PIP4K2C: variants seen among roughly 807,000 people sequenced by gnomAD.
The protein encoded by PIP4K2C is phosphatidylinositol 5-phosphate 4-kinase type-2 gamma.
A neutral mutation model predicts 45.0 loss-of-function variants in PIP4K2C; 21 were observed. That is an observed-to-expected ratio of 0.47 (90% CI 0.33 to 0.67). The LOEUF (loss-of-function observed/expected upper bound fraction) is 0.67, where lower values mean the gene tolerates loss of function less well. Ranked by LOEUF, PIP4K2C falls within the 30% of genes least tolerant of loss-of-function variation. The pLI is 0.02. For synonymous variants in PIP4K2C, 201 were observed against 204.8 expected (o/e 0.98, Z 0.16); for missense variants, 456 against 542.8 (o/e 0.84, Z 1.59).
intron 1 of PIP4K2C, among the ~76,000 whole-genome samples, chr12:57,592,318 G>A (rs1882999500): frequency 6.6e-6 from 1 of 152,176 alleles, no homozygotes; most frequent in Admixed American, 6.5e-5. Flanking sequence ...CTTCCGTCAG[G>A]TCTGGAGTGG....
rs1179998068 is a variant in PIP4K2C, at chr12:57,591,230, G to C, written c.-60G>C. ...CAGCGCAGGTGAGCGCCGCTTCCGG[G>C]GTCGGGCGCCTGGATAGCTGCCGGC... On this transcript the variant is annotated 5_prime_UTR_variant, in exon 1 of 10. Transcript: ENST00000354947. The C allele has an allele frequency of 6.5e-7, 1 of 1,534,890 alleles. No homozygotes were observed. Among genetic ancestry groups the C allele is most frequent in the Admixed American group, 1.9e-5 (1 of 53,092 alleles).
rs1357957508 is a variant in PIP4K2C at position 57,595,792 on chromosome 12, C to A, written c.370-96C>A. The stretch of plus-strand genomic sequence containing the variant: ...AGGAACTGTGCTGAATCTCCTACCC[C>A]AGGGATTCATCCACTTTCAGCTGAC... On this transcript the variant is annotated intron_variant, in intron 3 of 9. Coordinates refer to ENST00000354947, the MANE Select transcript of PIP4K2C (RefSeq NM_024779.5). 5 of 1,351,198 alleles carry A rather than the reference C, an allele frequency of 3.7e-6. No homozygotes were observed. The African/African-American group carries it at 7.2e-5, about 19-fold the overall frequency. 83.7% of individuals were successfully genotyped at this position (1,351,198 alleles called of 1,614,324 possible). A position where few individuals can be genotyped will look rare whatever the true frequency, so the allele number is the denominator to read the frequency against.
intron 1 of PIP4K2C, 32 bp from the exon 2 acceptor site, chr12:57,593,993 A>G (rs373509964): frequency 4.5e-5 from 71 of 1,576,532 alleles, no homozygotes; most frequent in Non-Finnish European, 5.9e-5. Context: ...ACCCTTCTTC[A>G]TGGCTTCCCT....
chr12:57,600,351 A>G lies in PIP4K2C; in HGVS notation c.727A>G (p.Met243Val), dbSNP rs367712382. The change falls in exon 7 of 10, where the codon ATG (methionine) becomes GTG (valine). Residue 243 changes from methionine to valine, a missense_variant. By Grantham distance (21) the Met-to-Val change is conservative. Coordinates refer to ENST00000354947, the MANE Select transcript of PIP4K2C (RefSeq NM_024779.5). ...TAAAGAATTGCCCACCCTTAAGGAT[A>G]TGGACTTTCTCAACAAGAACCAGAA... is the stretch of plus-strand genomic sequence containing the variant. ...KVKELPTLKDMDFLNKNQKVY... is the reference protein window; with the variant it reads ...KVKELPTLKDVDFLNKNQKVY... The G allele has an allele frequency of 1.9e-6, 3 of 1,608,040 alleles. No individual in the cohort carries two copies. The highest frequency in any genetic ancestry group is 2.6e-6 in the Non-Finnish European group (3 of 1,174,740).
In PIP4K2C at chr12:57,600,955, G is replaced by C; in HGVS notation, c.958G>C (p.Ala320Pro). Residue 320 changes from alanine to proline, a missense_variant, in exon 8 of 10, where the codon GCT becomes CCT. Transcript: ENST00000354947. Reference protein sequence around the residue: ...DGDCSLTGPPALVGSYGTSPE... With the variant: ...DGDCSLTGPPPLVGSYGTSPE... ...GGACTGCAGCCTGACTGGACCTCCTGCTCTGGTGGGCTCCTATGGCACCTC... is the reference window on the plus strand; with the variant it reads ...GGACTGCAGCCTGACTGGACCTCCTCCTCTGGTGGGCTCCTATGGCACCTC... 2 of 1,614,226 alleles carry C rather than the reference G, an allele frequency of 1.2e-6. No individual in the cohort carries two copies. The highest frequency in any genetic ancestry group is 1.7e-6 in the Non-Finnish European group (2 of 1,180,040).
rs199943799 is a variant in PIP4K2C at position 57,595,267 on chromosome 12, A to G, written c.369+45A>G. On this transcript the variant is annotated intron_variant, in intron 3 of 9. Transcript: ENST00000354947. ...TGAGGGTAGCCCTTTCTCCCCAGCA[A>G]CTGAGGAGTACTATTTGGGACAGCC... is the stretch of plus-strand genomic sequence containing the variant. The G allele has an allele frequency of 3.6e-4, 423 of 1,160,700 alleles. 3 individuals are homozygous for G. In the East Asian group the frequency reaches 4.0e-3, roughly 11 times the overall value. 71.9% of individuals were successfully genotyped at this position (1,160,700 alleles called of 1,614,324 possible). A position where few individuals can be genotyped will look rare whatever the true frequency, so the allele number is the denominator to read the frequency against.
At chr12:57,598,960 G>A in intron 4 of PIP4K2C, 105 bp from the exon 5 acceptor site, 1 of 1,249,406 alleles carries the variant, frequency 8.0e-7, no homozygotes, top group Non-Finnish European at 1.1e-6. Context: ...CTCTCTACTT[G>A]AAGTCCTCTG....
In PIP4K2C at chr12:57,601,748, C is replaced by A. The variant is rs759060338; in HGVS notation, c.*142C>A. ...GCTCCTTCCATCCAGATAACTCCAT[C>A]CTGTCGAGTAGGCTCTTTCTGACCC... On this transcript the variant is annotated 3_prime_UTR_variant, in exon 10 of 10. Coordinates refer to ENST00000354947, the MANE Select transcript of PIP4K2C (RefSeq NM_024779.5). 1 of 718,120 alleles carries A rather than the reference C, an allele frequency of 1.4e-6. No homozygotes were observed. Among genetic ancestry groups the A allele is most frequent in the South Asian group, 1.6e-5 (1 of 61,814 alleles). 44.5% of individuals were successfully genotyped at this position (718,120 alleles called of 1,614,324 possible). A position where few individuals can be genotyped will look rare whatever the true frequency, so the allele number is the denominator to read the frequency against.
At position 57,595,978 on chromosome 12, in the gene PIP4K2C, G is replaced by T. The variant is rs200334597; in HGVS notation, c.460G>T (p.Val154Leu). 43 of 1,613,924 alleles carry T rather than the reference G, an allele frequency of 2.7e-5. No individual in the cohort carries two copies. Among genetic ancestry groups the T allele is most frequent in the Admixed American group, 2.2e-4 (13 of 60,000 alleles). Residue 154 changes from valine to leucine, a missense_variant, in exon 4 of 10, where the codon GTA (valine) becomes TTA (leucine). Val to Leu is a conservative substitution (Grantham distance 32). Around this residue, in one of 2 missense-constraint regions of PIP4K2C, gnomAD observed 421 missense variants for 473.1 expected, o/e 0.89. Transcript: ENST00000354947. ...CGATCGGACTCTGGTCATCAAAGAA[G>T]TATCCAGTGAGGACATTGCTGACAT... is the stretch of plus-strand genomic sequence containing the variant. ...SYDRTLVIKE[V>L]SSEDIADMHS... is the part of the protein sequence containing the mutation.
chr12:57,601,871 C>T lies in PIP4K2C; in HGVS notation c.*265C>T, dbSNP rs1055622383. ...TGTAGTATTAGAATGTTATTGTTGA[C>T]TCTCTCCCAAGTGCCTTGATCTTTG... On this transcript the variant is annotated 3_prime_UTR_variant, in exon 10 of 10. Transcript: ENST00000354947. 4.1e-6 allele frequency: 2 copies of T among 488,626 alleles called. No homozygotes were observed. The highest frequency in any genetic ancestry group is 1.9e-5 in the African/African-American group (1 of 51,596). 30.3% of individuals were successfully genotyped at this position (488,626 alleles called of 1,614,324 possible). A position where few individuals can be genotyped will look rare whatever the true frequency, so the allele number is the denominator to read the frequency against.
rs765637994 is a variant in PIP4K2C, at chr12:57,599,427, G to A, written c.688G>A (p.Asp230Asn). The A allele has an allele frequency of 6.8e-6, 11 of 1,614,014 alleles. No homozygotes were observed. Among genetic ancestry groups the A allele is most frequent in the East Asian group, 2.2e-5 (1 of 44,886 alleles). Residue 230 changes from aspartate to asparagine, a missense_variant, in exon 6 of 10, where the codon GAT becomes AAT. Coordinates refer to ENST00000354947, the MANE Select transcript of PIP4K2C (RefSeq NM_024779.5). ...KGSLVSREASDKEKVKELPTL... is the reference protein window; with the variant it reads ...KGSLVSREASNKEKVKELPTL... ...TTCCCTAGTGTCCCGGGAAGCCAGC[G>A]ATAAGGAAAAGGTGATAGTAATTTT...
chr12:57,601,505 GTTCCGT>G lies in PIP4K2C; in HGVS notation c.1186-20_1186-15del, dbSNP rs747464498. ...GGGTGCTAGGGTGGCCTGACATATT[GTTCCGT>G]ATCTCCTCTCACAGGCTGGGGCAGA... On this transcript the variant is annotated splice_polypyrimidine_tract_variant and intron_variant, in intron 9 of 9. Coordinates refer to ENST00000354947, the MANE Select transcript of PIP4K2C (RefSeq NM_024779.5). 2.5e-6 allele frequency: 4 copies of G among 1,604,642 alleles called. No individual in the cohort carries two copies. In the South Asian group the frequency reaches 4.4e-5, roughly 18 times the overall value.
intron 4 of PIP4K2C, chr12:57,598,039 G>A (rs1883264795): frequency 6.6e-6 from 1 of 152,176 alleles, no homozygotes; most frequent in Non-Finnish European, 1.5e-5. Flanking sequence ...AAGAGAAAGA[G>A]GCAGCAACAC....
chr12:57,599,243 G>T, intron 5 of PIP4K2C, 32 bp downstream of exon 5: 1 of 1,612,308 alleles, frequency 6.2e-7, no homozygotes, highest in Non-Finnish European at 8.5e-7. Flanking sequence ...CTTAGAGGGA[G>T]GCTCCTGATA....
chr12:57,595,334 C>T, intron 3 of PIP4K2C, 112 bp downstream of exon 3: 1 of 754,992 alleles, frequency 1.3e-6, no homozygotes, highest in Non-Finnish European at 2.3e-6. Context: ...TAATTCTTTA[C>T]CTTTTTGTGA....
chr12:57,591,796 G>C (rs540966475), intron 1 of PIP4K2C, among the ~76,000 whole-genome samples: 82 of 152,302 alleles, frequency 5.4e-4, no homozygotes, highest in African/African-American at 1.9e-3. Context: ...GAGGACATTA[G>C]GGGGAGTGGC....
At chr12:57,601,417 G>T (rs1309279399) in intron 9 of PIP4K2C, 69 bp downstream of exon 9, 1 of 1,540,778 alleles carries the variant, frequency 6.5e-7, no homozygotes, top group South Asian at 1.1e-5. Context: ...TCTTGTGCCA[G>T]AGCAATGGGG....
chr12:57,594,130 A>T lies in PIP4K2C; in HGVS notation c.272+8A>T. The T allele has an allele frequency of 6.2e-7, 1 of 1,605,618 alleles. No homozygotes were observed. Among genetic ancestry groups the T allele is most frequent in the Non-Finnish European group, 8.5e-7 (1 of 1,174,330 alleles). The stretch of plus-strand genomic sequence containing the variant: ...CAATCACCTTTTCCACAGGTAAGTG[A>T]TGATCCTTGCCATTCTCATGTCAAC... On this transcript the variant is annotated splice_region_variant and intron_variant, in intron 2 of 9. Coordinates refer to ENST00000354947, the MANE Select transcript of PIP4K2C (RefSeq NM_024779.5).
chr12:57,595,210 C>A lies in PIP4K2C; in HGVS notation c.357C>A (p.Asp119Glu), dbSNP rs868240199. The A allele has an allele frequency of 6.2e-7, 1 of 1,602,316 alleles. No individual in the cohort carries two copies. Among genetic ancestry groups the A allele is most frequent in the Non-Finnish European group, 8.6e-7 (1 of 1,169,262 alleles). Reference sequence around the variant, plus strand: ...TCCGTGATCGATTTGGCATTGATGACCAAGATTACTTGGTGAGAGTCCATT... The same window carrying A: ...TCCGTGATCGATTTGGCATTGATGAACAAGATTACTTGGTGAGAGTCCATT... The part of the protein sequence containing the change: ...RNLRDRFGID[D>E]QDYLVSLTRN... Residue 119 changes from aspartate (D) to glutamate (E), a missense_variant, in exon 3 of 10, where the codon GAC becomes GAA. By Grantham distance (45) the Asp-to-Glu change is conservative (BLOSUM62 2). Coordinates refer to ENST00000354947, the MANE Select transcript of PIP4K2C (RefSeq NM_024779.5).
Sources: gnomAD v4.1 joint callset for allele counts (sites outside exome capture counted in the v4.1 genomes callset) on GRCh38, gnomAD v4.1.1 for gene constraint, gnomAD v4.1.1 regional missense constraint, MANE v1.5 for transcripts, NCBI Gene and HGNC (gene_info 2026-07-23, HGNC 2026-07-21) for gene names.